Variants in KDM2B observed in about 807,000 individuals in gnomAD.
The protein encoded by KDM2B is lysine demethylase 2B, also known as lysine-specific demethylase 2B.
Under a neutral mutation model 150.0 loss-of-function variants are expected in KDM2B, and 26 were observed. The observed-to-expected ratio is 0.17, with a 90% confidence interval of 0.13 to 0.24. KDM2B has a LOEUF of 0.24. Ranked by LOEUF, KDM2B falls within the 10% of genes least tolerant of loss-of-function variation. The pLI is 1.00. For synonymous variants in KDM2B, 734 were observed against 729.5 expected (o/e 1.01, Z -0.10); for missense variants, 1,265 against 1,816.9 (o/e 0.70, Z 5.52).
At position 121,567,121 on chromosome 12, in the gene KDM2B, T is replaced by C. The variant is rs548804119; in HGVS notation, c.397+7426A>G. 2.2e-4 allele frequency among the ~76,000 whole-genome samples: 33 copies of C among 152,138 alleles called. No homozygotes were observed. In the South Asian group the frequency reaches 6.8e-3, roughly 32 times the overall value. On this transcript the variant is annotated intron_variant, in intron 4 of 22. Coordinates refer to ENST00000377071, the MANE Select transcript of KDM2B (RefSeq NM_032590.5). ...GCCGGTCTCAAACTCCTGACCTCTG[T>C]GGTAATCCACCCACCTCAGCCTCCC...
Position 121,510,249 on chromosome 12 carries a change from T to C in KDM2B, c.1175-210A>G, listed in dbSNP as rs527430420. On this transcript the variant is annotated intron_variant, in intron 10 of 22. Coordinates refer to ENST00000377071, the MANE Select transcript of KDM2B (RefSeq NM_032590.5). ...TGCTTCCCGGCTGTGTGCACCCACA[T>C]GGGTTGCCCCGCCTCTCTGAACACT... Among the ~76,000 whole-genome samples, 90 of 152,270 alleles carry C rather than the reference T, an allele frequency of 5.9e-4. 1 individual carries two copies. Among genetic ancestry groups the C allele is most frequent in the African/African-American group, 2.0e-3 (82 of 41,568 alleles).
At chr12:121,526,716 C>T (rs1555306856) in intron 8 of KDM2B, among the ~76,000 whole-genome samples, 1 of 151,956 alleles carries the variant, frequency 6.6e-6, no homozygotes, top group East Asian at 1.9e-4. Flanking sequence ...AAGAGCAAGA[C>T]CATGTCTCTA....
chr12:121,465,798 A>G (rs1398463992), intron 12 of KDM2B, among the ~76,000 whole-genome samples: 1 of 152,226 alleles, frequency 6.6e-6, no homozygotes, highest in East Asian at 1.9e-4. Flanking sequence ...AGAAATGGCA[A>G]ACTGTCGCAG....
At chr12:121,532,251 C>G (rs530047440) in intron 8 of KDM2B, among the ~76,000 whole-genome samples, 2 of 152,168 alleles carry the variant, frequency 1.3e-5, no homozygotes, top group Non-Finnish European at 2.9e-5. Flanking sequence ...TCCCTGACCC[C>G]TAGGTCATCA....
chr12:121,567,443 T>C (rs1255071823), intron 4 of KDM2B, among the ~76,000 whole-genome samples: 1 of 152,228 alleles, frequency 6.6e-6, no homozygotes, highest in Non-Finnish European at 1.5e-5. Context: ...GCACTGTGGC[T>C]CACGCATGCA....
At chr12:121,571,005 A>G (rs1363563058) in intron 4 of KDM2B, among the ~76,000 whole-genome samples, 4 of 152,228 alleles carry the variant, frequency 2.6e-5, no homozygotes, top group Admixed American at 6.5e-5. Context: ...TTATTCAGCC[A>G]AGAAAGAGAG....
rs1270510132 is a variant in KDM2B, at chr12:121,467,306, G to C, written c.1735-13962C>G. On this transcript the variant is annotated intron_variant, in intron 12 of 22. Coordinates refer to ENST00000377071, the MANE Select transcript of KDM2B (RefSeq NM_032590.5). This position sits in a 1 kb window ranked among gnomAD's most constrained non-coding sequence, Gnocchi z 5.1. ...GAGCAGGCTCGGCTCGCCCTGGCTC[G>C]GGCTCGGGCTCGGGCTCGGGCTCCC... 2.0e-6 allele frequency: 2 copies of C among 981,716 alleles called. No homozygotes were observed. Among genetic ancestry groups the C allele is most frequent in the African/African-American group, 3.5e-5 (2 of 56,446 alleles). The allele number at this position is 981,716 out of a possible 1,614,324, so 60.8% of individuals were successfully genotyped here.
At chr12:121,580,234 A>C in intron 1 of KDM2B, 5 of 1,130,984 alleles carry the variant, frequency 4.4e-6, no homozygotes, top group Non-Finnish European at 4.4e-6. Flanking sequence ...AGTCCTAGGA[A>C]ACCATTTTCA....
intron 4 of KDM2B, 59 bp downstream of exon 4, chr12:121,574,488 G>A (rs1008272245): frequency 6.0e-5 from 93 of 1,539,874 alleles, no homozygotes; most frequent in African/African-American, 1.2e-4. Flanking sequence ...GGTGGTGACC[G>A]CCTCTTTCCC....
chr12:121,466,521 C>CGCCGCT (rs1879957687), intron 12 of KDM2B, among the ~76,000 whole-genome samples: 1 of 151,988 alleles, frequency 6.6e-6, no homozygotes, highest in South Asian at 2.1e-4. Context: ...CCTCCGCCGC[C>CGCCGCT]GCCGCCGCTG....
chr12:121,492,631 C>T (rs551864214), intron 12 of KDM2B, among the ~76,000 whole-genome samples: 7 of 151,570 alleles, frequency 4.6e-5, no homozygotes, highest in Middle Eastern at 3.4e-3. Flanking sequence ...TGAAATTGAC[C>T]AGACTGCCCA....
chr12:121,464,511 G>A (rs80001516), intron 12 of KDM2B, among the ~76,000 whole-genome samples: 1,785 of 152,334 alleles, frequency 0.012, 38 homozygotes, highest in African/African-American at 0.041. Flanking sequence ...GAAGGCATGG[G>A]GCAGACAGGC....
chr12:121,467,274 C>T lies in KDM2B; in HGVS notation c.1735-13930G>A. ...GCTGGAGCGGCGCCGCCGCCGCCGCCCGCCCGGAGCAGGCTCGGCTCGCCC... is the reference window on the plus strand; with the variant it reads ...GCTGGAGCGGCGCCGCCGCCGCCGCTCGCCCGGAGCAGGCTCGGCTCGCCC... On this transcript the variant is annotated intron_variant, in intron 12 of 22. Transcript: ENST00000377071. The surrounding 1 kb of genome is among the most constrained non-coding windows in gnomAD (Gnocchi z 5.1). The T allele has an allele frequency of 1.0e-6, 1 of 987,826 alleles. No homozygotes were observed. Among genetic ancestry groups the T allele is most frequent in the Non-Finnish European group, 1.2e-6 (1 of 832,046 alleles). The allele number at this position is 987,826 out of a possible 1,614,324, so 61.2% of individuals were successfully genotyped here. A position where few individuals can be genotyped will look rare whatever the true frequency, so the allele number is the denominator to read the frequency against.
intron 4 of KDM2B, among the ~76,000 whole-genome samples, chr12:121,557,501 A>C (rs1271035606): frequency 6.6e-6 from 1 of 152,090 alleles, no homozygotes; most frequent in Non-Finnish European, 1.5e-5. Flanking sequence ...CAGCCTCCCA[A>C]AGTGCTGGGA....
At chr12:121,519,060 G>A (rs1327870152) in intron 9 of KDM2B, among the ~76,000 whole-genome samples, 4 of 152,106 alleles carry the variant, frequency 2.6e-5, no homozygotes, top group African/African-American at 9.7e-5. Flanking sequence ...GTCTCCCATG[G>A]AGCCCCAGCC....
chr12:121,437,361 G>T (rs1874180142), intron 22 of KDM2B, among the ~76,000 whole-genome samples: 1 of 151,806 alleles, frequency 6.6e-6, no homozygotes, highest in Admixed American at 6.6e-5. Flanking sequence ...ACTTAACATG[G>T]TCATAATAAG....
intron 4 of KDM2B, among the ~76,000 whole-genome samples, chr12:121,562,647 T>G (rs1890425728): frequency 7.5e-6 from 1 of 133,458 alleles, no homozygotes; most frequent in Non-Finnish European, 1.6e-5. Flanking sequence ...GAAGAAAGCA[T>G]GGAGGAGGAG....
chr12:121,559,009 A>G (rs1555313284), intron 4 of KDM2B, among the ~76,000 whole-genome samples: 1 of 152,084 alleles, frequency 6.6e-6, no homozygotes, highest in Non-Finnish European at 1.5e-5. Flanking sequence ...GCCACTTGGG[A>G]CCAGTGTTCA....
chr12:121,465,524 G>C (rs1181312155), intron 12 of KDM2B, among the ~76,000 whole-genome samples: 1 of 152,190 alleles, frequency 6.6e-6, no homozygotes, highest in African/African-American at 2.4e-5. Context: ...GTGAGCCACC[G>C]CGCACGGCCT....
Sources: allele counts gnomAD v4.1 joint callset (sites outside exome capture counted in the v4.1 genomes callset), GRCh38; gene constraint gnomAD v4.1.1; non-coding constraint Gnocchi (gnomAD v3.1); transcripts MANE v1.5; gene names NCBI Gene and HGNC (gene_info 2026-07-23, HGNC 2026-07-21).